Variants in ZNHIT6 observed in about 807,000 individuals in gnomAD.
ZNHIT6 encodes zinc finger HIT-type containing 6.
A neutral mutation model predicts 57.2 loss-of-function variants in ZNHIT6; 45 were observed. The ratio of observed to expected loss-of-function variants is 0.79; its 90% CI spans 0.62 to 1.01. The LOEUF is 1.01. ZNHIT6 is among the 50% of genes least tolerant of loss of function. The pLI, the probability that ZNHIT6 is intolerant of heterozygous loss-of-function variation, is 0.00. For synonymous variants in ZNHIT6, 188 were observed against 190.0 expected (o/e 0.99, Z 0.09); for missense variants, 528 against 567.3 (o/e 0.93, Z 0.70).
chr1:85,667,985 T>TATATATATATGC (rs1223836311), intron 8 of ZNHIT6, among the ~76,000 whole-genome samples: 11 of 99,646 alleles, frequency 1.1e-4, no homozygotes, highest in Non-Finnish European at 1.9e-4. Context: ...TATATATATA[T>TATATATATATGC]GCTCTGCTTT....
intron 5 of ZNHIT6, among the ~76,000 whole-genome samples, chr1:85,691,112 C>A (rs574416125): frequency 6.6e-6 from 1 of 152,300 alleles, no homozygotes; most frequent in Non-Finnish European, 1.5e-5. Context: ...GCACTATAAA[C>A]TGAAAACCAC....
intron 8 of ZNHIT6, among the ~76,000 whole-genome samples, chr1:85,671,143 T>C (rs1438856919): frequency 6.6e-6 from 1 of 152,192 alleles, no homozygotes. Context: ...AAGTTGACAA[T>C]ATCTTAAGTT....
intron 9 of ZNHIT6, among the ~76,000 whole-genome samples, chr1:85,657,161 G>C (rs1254216447): frequency 6.6e-6 from 1 of 152,070 alleles, no homozygotes; most frequent in Non-Finnish European, 1.5e-5. Flanking sequence ...AGCACAGTTA[G>C]TTTACTTTAA....
chr1:85,675,491 T>C (rs909185205), intron 8 of ZNHIT6, among the ~76,000 whole-genome samples: 2 of 152,212 alleles, frequency 1.3e-5, no homozygotes, highest in Non-Finnish European at 2.9e-5. Context: ...CCAGGCTTTG[T>C]TGTTCCATTT....
intron 9 of ZNHIT6, 84 bp from the exon 10 acceptor site, chr1:85,654,182 G>A (rs1173875980): frequency 2.5e-6 from 3 of 1,189,016 alleles, no homozygotes; most frequent in Non-Finnish European, 3.6e-6. Context: ...CCCTCCTTCT[G>A]ATGTACAGCA....
chr1:85,650,968 G>A lies in ZNHIT6; in HGVS notation c.*3090C>T, dbSNP rs2100636434. ...CTAATTTCAACATGAGTTTTGGTAGGAACAAACTATATTCAAACCATAACA... is the reference window on the plus strand; with the variant it reads ...CTAATTTCAACATGAGTTTTGGTAGAAACAAACTATATTCAAACCATAACA... On this transcript the variant is annotated 3_prime_UTR_variant, in exon 10 of 10. Coordinates refer to ENST00000370574, the MANE Select transcript of ZNHIT6 (RefSeq NM_017953.4). 1 of 152,100 alleles carries A rather than the reference G, an allele frequency of 6.6e-6. No homozygotes were observed. Among genetic ancestry groups the A allele is most frequent in the South Asian group, 2.1e-4 (1 of 4,816 alleles). 9.4% of individuals were successfully genotyped at this position (152,100 alleles called of 1,614,324 possible). A position where few individuals can be genotyped will look rare whatever the true frequency, so the allele number is the denominator to read the frequency against.
At chr1:85,658,000 G>A in intron 8 of ZNHIT6, 29 bp from the exon 9 acceptor site, 10 of 1,360,294 alleles carry the variant, frequency 7.4e-6, no homozygotes, top group South Asian at 2.8e-5. Context: ...CAAAAAACCA[G>A]GAAACACTCT....
Position 85,706,332 on chromosome 1 carries a change from TTG to T in ZNHIT6, c.744_745del (p.His248GlnfsTer7). On this transcript the variant is annotated frameshift_variant, in exon 3 of 10. Transcript: ENST00000370574. LOFTEE classifies it high-confidence loss of function. The stretch of plus-strand genomic sequence containing the variant: ...AACTCCATTACATGTCAGTTCTGCT[TTG>T]TGTTTCTTTACACAGGGCAAACTGA... The T allele has an allele frequency of 6.2e-7, 1 of 1,613,916 alleles. No individual in the cohort carries two copies. Among genetic ancestry groups the T allele is most frequent in the Non-Finnish European group, 8.5e-7 (1 of 1,179,870 alleles).
rs115051402 is a variant in ZNHIT6 at position 85,651,125 on chromosome 1, T to G, written c.*2933A>C. The G allele has an allele frequency of 1.6e-3, 244 of 152,358 alleles. 4 individuals carry two copies. Among genetic ancestry groups the G allele is most frequent in the African/African-American group, 5.5e-3 (228 of 41,582 alleles). The allele number at this position is 152,358 out of a possible 1,614,324, so 9.4% of individuals were successfully genotyped here. A position where few individuals can be genotyped will look rare whatever the true frequency, so the allele number is the denominator to read the frequency against. On this transcript the variant is annotated 3_prime_UTR_variant, in exon 10 of 10. Coordinates refer to ENST00000370574, the MANE Select transcript of ZNHIT6 (RefSeq NM_017953.4). ...AAGAAAATTGTTGGCATTATAGTTA[T>G]GTGATTAACATTTTAATTATATGTC... is the stretch of plus-strand genomic sequence containing the variant.
chr1:85,656,659 A>G (rs1161779100), intron 9 of ZNHIT6, among the ~76,000 whole-genome samples: 1 of 152,124 alleles, frequency 6.6e-6, no homozygotes, highest in Non-Finnish European at 1.5e-5. Context: ...TAAAATTCCT[A>G]ATTTATTCTG....
rs760622045 is a variant in ZNHIT6, at chr1:85,680,854, G to A, written c.1070C>T (p.Ala357Val). 1 of 1,612,500 alleles carries A rather than the reference G, an allele frequency of 6.2e-7. No individual in the cohort carries two copies. Among genetic ancestry groups the A allele is most frequent in the Non-Finnish European group, 8.5e-7 (1 of 1,179,268 alleles). ...GTGATACCTTTTTTCTATGTACTCAGCTTGACTTTGAGGAAACTGGAGCTT... is the reference window on the plus strand; with the variant it reads ...GTGATACCTTTTTTCTATGTACTCAACTTGACTTTGAGGAAACTGGAGCTT... ...HVKLQFPQSQ[A>V]EYIEKRVPDD... is the part of the protein sequence containing the mutation. The change falls in exon 6 of 10, where the codon GCT (alanine) becomes GTT (valine). Residue 357 changes from alanine (A) to valine (V), a missense_variant. Physicochemically the swap from Ala to Val is moderately conservative, Grantham distance 64 (BLOSUM62 0). Coordinates refer to ENST00000370574, the MANE Select transcript of ZNHIT6 (RefSeq NM_017953.4).
chr1:85,695,047 T>C (rs1429366048), intron 5 of ZNHIT6, among the ~76,000 whole-genome samples: 2 of 152,098 alleles, frequency 1.3e-5, no homozygotes, highest in African/African-American at 4.8e-5. Context: ...GTGGACTGCC[T>C]GAGCTCAGGA....
At chr1:85,694,555 A>G (rs1662309797) in intron 5 of ZNHIT6, among the ~76,000 whole-genome samples, 1 of 151,480 alleles carries the variant, frequency 6.6e-6, no homozygotes, top group African/African-American at 2.4e-5. Context: ...TCCGCCTCCC[A>G]GGTTCACACC....
chr1:85,680,784 T>A, intron 6 of ZNHIT6, 52 bp downstream of exon 6: 1 of 1,377,446 alleles, frequency 7.3e-7, no homozygotes, highest in South Asian at 1.2e-5. Flanking sequence ...TTATTTTAAA[T>A]ACACAGCCTT....
chr1:85,681,171 T>C (rs1365530240), intron 5 of ZNHIT6, among the ~76,000 whole-genome samples: 2 of 152,218 alleles, frequency 1.3e-5, no homozygotes, highest in Non-Finnish European at 2.9e-5. Flanking sequence ...GTGCTACTAT[T>C]TGAAGTTTAC....
intron 8 of ZNHIT6, 134 bp from the exon 9 acceptor site, chr1:85,658,105 G>A (rs891754634): frequency 7.3e-6 from 4 of 550,030 alleles, no homozygotes; most frequent in Non-Finnish European, 1.2e-5. Context: ...CTTCCTTATA[G>A]CATAGTAAGT....
rs1455435945 is a variant in ZNHIT6 at position 85,666,975 on chromosome 1, C to T, written c.1248-9004G>A. Among the ~76,000 whole-genome samples the T allele has an allele frequency of 3.3e-5, 5 of 152,158 alleles. No individual in the cohort carries two copies. The East Asian group carries it at 9.6e-4, about 29-fold the overall frequency. On this transcript the variant is annotated intron_variant, in intron 8 of 9. Coordinates refer to ENST00000370574, the MANE Select transcript of ZNHIT6 (RefSeq NM_017953.4). ...GGTCAAAAGTTAATGCCATTCTGAACACATACTCATCTTGACCATGATTAC... is the reference window on the plus strand; with the variant it reads ...GGTCAAAAGTTAATGCCATTCTGAATACATACTCATCTTGACCATGATTAC...
chr1:85,707,909 C>T lies in ZNHIT6; in HGVS notation c.376G>A (p.Val126Met). The stretch of plus-strand genomic sequence containing the variant: ...TCACCCACCTTCGCTTCTTTTACCA[C>T]TAAACTACTATCCGTCTCCTGCTTC... ...EVKQETDSSLVVKEAKVGEPE... is the reference protein window; with the variant it reads ...EVKQETDSSLMVKEAKVGEPE... Residue 126 changes from valine to methionine, a missense_variant, in exon 1 of 10, where the codon GTG becomes ATG. By Grantham distance (21) the Val-to-Met change is conservative (BLOSUM62 1). Coordinates refer to ENST00000370574, the MANE Select transcript of ZNHIT6 (RefSeq NM_017953.4). 1 of 1,614,058 alleles carries T rather than the reference C, an allele frequency of 6.2e-7. No individual in the cohort carries two copies. Among genetic ancestry groups the T allele is most frequent in the Non-Finnish European group, 8.5e-7 (1 of 1,180,014 alleles).
At position 85,653,905 on chromosome 1, in the gene ZNHIT6, A is replaced by C; in HGVS notation, c.*153T>G. ...AAGTCAATTAATTCAAGAGGTTATA[A>C]AATACATTTTTTAAAAGAGTTAAGC... On this transcript the variant is annotated 3_prime_UTR_variant, in exon 10 of 10. Transcript: ENST00000370574. The C allele has an allele frequency of 1.6e-6, 1 of 626,836 alleles. No homozygotes were observed. The highest frequency in any genetic ancestry group is 2.8e-6 in the Non-Finnish European group (1 of 359,732). 38.8% of individuals were successfully genotyped at this position (626,836 alleles called of 1,614,324 possible).
Sources: allele counts gnomAD v4.1 joint callset (sites outside exome capture counted in the v4.1 genomes callset), GRCh38; gene constraint gnomAD v4.1.1; transcripts MANE v1.5; gene names NCBI Gene and HGNC (gene_info 2026-07-23, HGNC 2026-07-21).